The following PRKAG2 variants were observed in gnomAD, a reference collection of about 807,000 sequenced individuals.
PRKAG2 encodes 5'-AMP-activated protein kinase subunit gamma-2.
A neutral mutation model predicts 69.6 loss-of-function variants in PRKAG2; 26 were observed. The ratio of observed to expected loss-of-function variants is 0.37; its 90% CI spans 0.27 to 0.52. The LOEUF (loss-of-function observed/expected upper bound fraction) is 0.52, where lower values mean the gene tolerates loss of function less well. PRKAG2 is among the 20% of genes least tolerant of loss of function. The probability of loss-of-function intolerance (pLI) is 0.90; values close to 1 mark genes in which losing one functional copy is unlikely to be tolerated. For missense variants in PRKAG2, 557 were observed against 740.0 expected (o/e 0.75, Z 2.87); for synonymous variants, 293 against 285.0 (o/e 1.03, Z -0.28).
At chr7:151,559,976 C>T in intron 15 of PRKAG2, 3 of 985,384 alleles carry the variant, frequency 3.0e-6, no homozygotes, top group Non-Finnish European at 3.6e-6. Context: ...CTGCTCCTCA[C>T]TGTCTGAGAC....
At chr7:151,589,311 A>C (rs1480280426) in intron 6 of PRKAG2, among the ~76,000 whole-genome samples, 1 of 152,150 alleles carries the variant, frequency 6.6e-6, no homozygotes, top group Non-Finnish European at 1.5e-5. Context: ...ACCAGCTAGA[A>C]GGCACGCGCC....
chr7:151,574,838 A>G (rs1808503807), intron 8 of PRKAG2, 53 bp downstream of exon 8: 1 of 1,612,258 alleles, frequency 6.2e-7, no homozygotes, highest in Non-Finnish European at 8.5e-7. Flanking sequence ...ACCTACACAC[A>G]TACATAGATA....
chr7:151,617,755 T>C (rs1438106496), intron 5 of PRKAG2, among the ~76,000 whole-genome samples: 1 of 152,118 alleles, frequency 6.6e-6, no homozygotes, highest in East Asian at 1.9e-4. Flanking sequence ...ATTTACACTG[T>C]CCCAAACTTC....
intron 5 of PRKAG2, among the ~76,000 whole-genome samples, chr7:151,605,048 G>A (rs1056476330): frequency 4.6e-5 from 7 of 152,068 alleles, no homozygotes; most frequent in Admixed American, 1.3e-4. Context: ...ACAGGGTCTC[G>A]CTCTGTCACC....
At chr7:151,851,561 G>A (rs1035266197) in intron 1 of PRKAG2, among the ~76,000 whole-genome samples, 2 of 152,154 alleles carry the variant, frequency 1.3e-5, no homozygotes, top group Non-Finnish European at 2.9e-5. Context: ...TCCAGAGTCG[G>A]CTACAGATGG....
intron 4 of PRKAG2, among the ~76,000 whole-genome samples, chr7:151,649,162 G>A (rs1828050313): frequency 6.6e-6 from 1 of 152,090 alleles, no homozygotes; most frequent in African/African-American, 2.4e-5. Flanking sequence ...GTCTCATTCT[G>A]TTGCCGAGGT....
rs375517100 is a variant in PRKAG2 at position 151,757,422 on chromosome 7, AG to A, written c.466+23729del. ...GCTCCCAGCACAGATCCTCTGAAAA[AG>A]ATCCCCAGATGCAGCAGGATGAGAC... On this transcript the variant is annotated intron_variant, in intron 3 of 15. Coordinates refer to ENST00000287878, the MANE Select transcript of PRKAG2 (RefSeq NM_016203.4). Among the ~76,000 whole-genome samples the A allele has an allele frequency of 9.2e-5, 14 of 152,344 alleles. No individual in the cohort carries two copies. The East Asian group carries it at 2.1e-3, about 23-fold the overall frequency.
chr7:151,766,497 G>A (rs753313380), intron 3 of PRKAG2, among the ~76,000 whole-genome samples: 75 of 152,324 alleles, frequency 4.9e-4, no homozygotes, highest in South Asian at 2.7e-3. Flanking sequence ...AAGGCGAGGC[G>A]CCCAGATCGT....
chr7:151,851,648 A>G (rs1179431353), intron 1 of PRKAG2, among the ~76,000 whole-genome samples: 2 of 151,984 alleles, frequency 1.3e-5, no homozygotes, highest in Non-Finnish European at 2.9e-5. Flanking sequence ...TTAACCACTA[A>G]CCCCTGGCAC....
At chr7:151,865,029 A>T (rs541685841) in intron 1 of PRKAG2, among the ~76,000 whole-genome samples, 53 of 152,356 alleles carry the variant, frequency 3.5e-4, no homozygotes, top group African/African-American at 1.2e-3. Flanking sequence ...TGTATTATAT[A>T]TGTAAACAGA....
rs2078947412 is a variant in PRKAG2 at position 151,828,021 on chromosome 7, G to A, written c.115-41480C>T. 6.6e-6 allele frequency among the ~76,000 whole-genome samples: 1 copy of A among 152,206 alleles called. No individual in the cohort carries two copies. The highest frequency in any genetic ancestry group is 1.5e-5 in the Non-Finnish European group (1 of 68,032). Reference sequence around the variant, plus strand: ...CCAGGGTGATTATTCAGGTCAACATGAGCCTGGGGTGTGATCTCACCTTGG... The same window carrying A: ...CCAGGGTGATTATTCAGGTCAACATAAGCCTGGGGTGTGATCTCACCTTGG... On this transcript the variant is annotated intron_variant, in intron 1 of 15. Coordinates refer to ENST00000287878, the MANE Select transcript of PRKAG2 (RefSeq NM_016203.4). The surrounding 1 kb of genome is among the most constrained non-coding windows in gnomAD (Gnocchi z 4.6).
intron 14 of PRKAG2, among the ~76,000 whole-genome samples, chr7:151,561,875 G>A (rs1368127092): frequency 6.6e-6 from 1 of 150,596 alleles, no homozygotes; most frequent in Non-Finnish European, 1.5e-5. Context: ...GGAGGTTGCA[G>A]TGAGCTGAGA....
At chr7:151,691,164 C>T (rs7797944) in intron 3 of PRKAG2, among the ~76,000 whole-genome samples, 24,934 of 152,064 alleles carry the variant, frequency 0.16, 2,212 homozygotes, top group Middle Eastern at 0.27. Context: ...TGGTGTAATA[C>T]GTGCATATGA....
intron 6 of PRKAG2, among the ~76,000 whole-genome samples, chr7:151,591,010 T>C (rs530082856): frequency 2.6e-5 from 4 of 152,274 alleles, no homozygotes; most frequent in South Asian, 4.1e-4. Flanking sequence ...ACAGGAGGAA[T>C]CCACAGGCTT....
chr7:151,693,397 C>T (rs1424277483), intron 3 of PRKAG2, among the ~76,000 whole-genome samples: 1 of 152,150 alleles, frequency 6.6e-6, no homozygotes, highest in East Asian at 1.9e-4. Flanking sequence ...AGTTTGCAGG[C>T]CTGAATATGC....
chr7:151,856,728 C>T (rs78267775), intron 1 of PRKAG2, among the ~76,000 whole-genome samples: 7,308 of 152,230 alleles, frequency 0.048, 640 homozygotes, highest in East Asian at 0.39. Context: ...GCCACACACA[C>T]GGTCACGGCG....
intron 4 of PRKAG2, chr7:151,674,840 A>G (rs1369532548): frequency 6.1e-6 from 1 of 164,426 alleles, no homozygotes; most frequent in African/African-American, 2.4e-5. Flanking sequence ...AAAGCTTTCA[A>G]TGAATGATTT....
intron 1 of PRKAG2, among the ~76,000 whole-genome samples, chr7:151,803,111 C>T (rs2077928641): frequency 6.6e-6 from 1 of 151,982 alleles, no homozygotes; most frequent in Non-Finnish European, 1.5e-5. Context: ...GTATGTACCA[C>T]CATGCCCAGC....
chr7:151,779,534 A>C (rs1201805255), intron 3 of PRKAG2, among the ~76,000 whole-genome samples: 1 of 151,366 alleles, frequency 6.6e-6, no homozygotes, highest in Non-Finnish European at 1.5e-5. Context: ...CAGCTCCTAC[A>C]CTCCTTTGGG....
Sources: gnomAD v4.1 joint callset for allele counts (sites outside exome capture counted in the v4.1 genomes callset) on GRCh38, gnomAD v4.1.1 for gene constraint, Gnocchi (gnomAD v3.1) non-coding constraint, MANE v1.5 for transcripts, NCBI Gene and HGNC (gene_info 2026-07-23, HGNC 2026-07-21) for gene names.